The following NRG3 variants were observed in gnomAD, a reference collection of about 807,000 sequenced individuals.
The protein encoded by NRG3 is neuregulin 3.
NRG3 carries 31 observed loss-of-function variants against 66.9 expected under a neutral mutation model. The observed-to-expected ratio is 0.46, with a 90% CI of 0.35 to 0.63. The LOEUF (loss-of-function observed/expected upper bound fraction) is 0.63. NRG3 is among the 20% of genes least tolerant of loss of function. NRG3 has a pLI of 0.00. For missense variants in NRG3, 910 were observed against 878.9 expected, an observed-to-expected ratio of 1.04 and a Z score of -0.45; for synonymous variants, 393 against 359.4, an observed-to-expected ratio of 1.09 and a Z score of -1.06.
chr10:81,973,570 G>C (rs903460021), intron 1 of NRG3, among the ~76,000 whole-genome samples: 1 of 151,950 alleles, frequency 6.6e-6, no homozygotes, highest in African/African-American at 2.4e-5. Context: ...GACAGCATCT[G>C]TTATTTTTTT....
intron 1 of NRG3, among the ~76,000 whole-genome samples, chr10:82,109,827 A>G (rs986330994): frequency 6.6e-6 from 1 of 151,964 alleles, no homozygotes; most frequent in Non-Finnish European, 1.5e-5. Context: ...CAGCAGGTGC[A>G]GAACTAAAGA....
At chr10:82,165,367 G>T (rs935049136) in intron 1 of NRG3, among the ~76,000 whole-genome samples, 110 of 152,012 alleles carry the variant, frequency 7.2e-4, no homozygotes, top group African/African-American at 2.4e-3. Context: ...GTCTCATTAG[G>T]ATTACATAAA....
chr10:82,372,344 G>A lies in NRG3; in HGVS notation c.953+13476G>A, dbSNP rs1179230630. Among the ~76,000 whole-genome samples the A allele has an allele frequency of 2.6e-5, 4 of 152,140 alleles. No individual in the cohort carries two copies. The East Asian group carries it at 5.8e-4, about 22-fold the overall frequency. On this transcript the variant is annotated intron_variant, in intron 2 of 8. Transcript: ENST00000372141. ...ATTATTTTTTCTCTCATGTCCAGAT[G>A]GTTCTCACAAACATATCAGAAGATG...
intron 2 of NRG3, among the ~76,000 whole-genome samples, chr10:82,710,169 G>T (rs1175325560): frequency 6.6e-6 from 1 of 152,170 alleles, no homozygotes; most frequent in Non-Finnish European, 1.5e-5. Context: ...TCCTTTGTTG[G>T]ACATATAGCA....
chr10:82,767,025 A>G (rs1449401062), intron 3 of NRG3, among the ~76,000 whole-genome samples: 1 of 148,042 alleles, frequency 6.8e-6, no homozygotes, highest in Non-Finnish European at 1.5e-5. Context: ...ATAAATCCTT[A>G]TATATATATA....
intron 4 of NRG3, among the ~76,000 whole-genome samples, chr10:82,870,652 C>G (rs567326975): frequency 6.0e-4 from 92 of 152,252 alleles, no homozygotes; most frequent in African/African-American, 1.8e-3. Context: ...TGGTAACTCA[C>G]TGTTTCAATT....
intron 1 of NRG3, among the ~76,000 whole-genome samples, chr10:82,347,932 C>G (rs1431582461): frequency 6.6e-6 from 1 of 151,826 alleles, no homozygotes; most frequent in Non-Finnish European, 1.5e-5. Flanking sequence ...AGATCTTCCT[C>G]CATCCTTTTA....
intron 3 of NRG3, among the ~76,000 whole-genome samples, chr10:82,797,435 AG>A (rs2060845858): frequency 6.6e-6 from 1 of 152,182 alleles, no homozygotes; most frequent in Non-Finnish European, 1.5e-5. Flanking sequence ...CTGGCATTTC[AG>A]GTGGGTCATG....
At chr10:82,604,368 T>C (rs2047827450) in intron 2 of NRG3, among the ~76,000 whole-genome samples, 1 of 152,186 alleles carries the variant, frequency 6.6e-6, no homozygotes, top group African/African-American at 2.4e-5. Flanking sequence ...TTTTCATGGC[T>C]TGACAGCTTA....
intron 1 of NRG3, among the ~76,000 whole-genome samples, chr10:81,996,237 G>A (rs1159839789): frequency 6.6e-6 from 1 of 152,186 alleles, no homozygotes; most frequent in Non-Finnish European, 1.5e-5. Flanking sequence ...TTGGTGTAAT[G>A]TCATAATATT....
intron 2 of NRG3, among the ~76,000 whole-genome samples, chr10:82,646,789 C>T (rs1035651866): frequency 1.3e-5 from 2 of 152,052 alleles, no homozygotes; most frequent in African/African-American, 2.4e-5. Context: ...GTGATTGGGC[C>T]GTCAGGGTTT....
At chr10:82,185,041 G>A (rs892068885) in intron 1 of NRG3, among the ~76,000 whole-genome samples, 27 of 152,126 alleles carry the variant, frequency 1.8e-4, no homozygotes, top group African/African-American at 6.5e-4. Context: ...ACCTATGACC[G>A]TTTGGGAGAG....
At chr10:82,469,778 A>G (rs1841055784) in intron 2 of NRG3, among the ~76,000 whole-genome samples, 1 of 152,224 alleles carries the variant, frequency 6.6e-6, no homozygotes. Flanking sequence ...CATTAGTACA[A>G]GATGTTTACT....
intron 1 of NRG3, among the ~76,000 whole-genome samples, chr10:81,920,374 G>C (rs562402704): frequency 2.0e-5 from 3 of 152,122 alleles, no homozygotes; most frequent in African/African-American, 7.2e-5. Flanking sequence ...ATCGATTCCT[G>C]GTGCTTTGCT....
chr10:82,165,602 T>C (rs1270452413), intron 1 of NRG3, among the ~76,000 whole-genome samples: 2 of 152,044 alleles, frequency 1.3e-5, no homozygotes, highest in African/African-American at 4.8e-5. Flanking sequence ...AAACTCTAAA[T>C]ACATATAGAA....
intron 4 of NRG3, among the ~76,000 whole-genome samples, chr10:82,944,857 A>ATAG (rs1418285612): frequency 6.6e-6 from 1 of 152,236 alleles, no homozygotes; most frequent in East Asian, 1.9e-4. Flanking sequence ...AAGAGAGGAT[A>ATAG]TAGTGCATGG....
chr10:82,710,586 C>CG (rs772969591), intron 2 of NRG3, among the ~76,000 whole-genome samples: 1 of 73,754 alleles, frequency 1.4e-5, no homozygotes, highest in Non-Finnish European at 2.4e-5. Flanking sequence ...GACTCCATCT[C>CG]AAAAAAAAAA....
At position 81,983,068 on chromosome 10, in the gene NRG3, G is replaced by A. The variant is rs148196233; in HGVS notation, c.823+106905G>A. ...CTATGTAGACTGTGTCCATGGTTAG[G>A]TGGAGATGCTGATGGGTTTCGGCTC... On this transcript the variant is annotated intron_variant, in intron 1 of 8. Coordinates refer to ENST00000372141, the MANE Select transcript of NRG3 (RefSeq NM_001010848.4). Among the ~76,000 whole-genome samples the A allele has an allele frequency of 1.7e-3, 258 of 152,268 alleles. 1 individual carries two copies. The highest frequency in any genetic ancestry group is 6.0e-3 in the African/African-American group (250 of 41,558).
At chr10:82,081,795 A>G (rs767350078) in intron 1 of NRG3, among the ~76,000 whole-genome samples, 2 of 152,226 alleles carry the variant, frequency 1.3e-5, no homozygotes, top group Non-Finnish European at 2.9e-5. Context: ...CATGTGCCAC[A>G]TGATTCACAT....
Sources: allele counts gnomAD v4.1 joint callset (sites outside exome capture counted in the v4.1 genomes callset), GRCh38; gene constraint gnomAD v4.1.1; transcripts MANE v1.5; gene names NCBI Gene and HGNC (gene_info 2026-07-23, HGNC 2026-07-21).